NALCN: variants seen among roughly 807,000 people sequenced by gnomAD.
NALCN encodes the protein sodium leak channel NALCN.
In NALCN, 111 loss-of-function variants were observed where a neutral mutation model predicts 225.3. The ratio of observed to expected loss-of-function variants is 0.49; its 90% CI spans 0.42 to 0.58. The LOEUF is 0.58. Among genes scored for constraint, NALCN ranks in the 20% least tolerant of loss-of-function variants. The pLI, the probability that NALCN is intolerant of heterozygous loss-of-function variation, is 0.00. For synonymous variants in NALCN, 764 were observed against 769.0 expected (o/e 0.99, Z 0.11); for missense variants, 1,378 against 2,202.4 (o/e 0.63, Z 7.49).
At chr13:101,123,755 A>T (rs904921744) in intron 18 of NALCN, among the ~76,000 whole-genome samples, 3 of 152,212 alleles carry the variant, frequency 2.0e-5, no homozygotes, top group African/African-American at 7.2e-5. Flanking sequence ...TTTAAAGATC[A>T]TATATACTAA....
chr13:101,387,252 A>AAAAT lies in NALCN; in HGVS notation c.291+7930_291+7931insATTT, dbSNP rs58578868. 6.3e-3 allele frequency among the ~76,000 whole-genome samples: 730 copies of AAAAT among 116,794 alleles called. 99 individuals are homozygous for AAAAT. Among genetic ancestry groups the AAAAT allele is most frequent in the African/African-American group, 0.024 (669 of 28,198 alleles). The allele number at this position is 116,794 out of a possible 152,430, so 76.6% of individuals were successfully genotyped here. On this transcript the variant is annotated intron_variant, in intron 3 of 43. Coordinates refer to ENST00000251127, the MANE Select transcript of NALCN (RefSeq NM_052867.4). ...CAAAAAAAAAAAAAAAAAAAAAAAA[A>AAAAT]AACAGGTTAGCATTTCGCAAATCAC...
At position 101,237,739 on chromosome 13, in the gene NALCN, G is replaced by T. The variant is rs767835476; in HGVS notation, c.1434+16C>A. The T allele has an allele frequency of 2.6e-6, 4 of 1,534,196 alleles. No homozygotes were observed. Among genetic ancestry groups the T allele is most frequent in the African/African-American group, 1.4e-5 (1 of 70,970 alleles). ...TAAATAAATTTCTAAAGACAAATAG[G>T]CATTATTTTTATTACCTGAAAGTAC... On this transcript the variant is annotated intron_variant, in intron 12 of 43. Coordinates refer to ENST00000251127, the MANE Select transcript of NALCN (RefSeq NM_052867.4).
intron 18 of NALCN, among the ~76,000 whole-genome samples, chr13:101,112,872 C>A (rs980150308): frequency 1.3e-5 from 2 of 152,028 alleles, no homozygotes; most frequent in African/African-American, 4.8e-5. Context: ...ATAATAGAAG[C>A]ATTTTTAAGT....
intron 6 of NALCN, among the ~76,000 whole-genome samples, chr13:101,362,000 ATTTAC>A (rs982342749): frequency 1.6e-4 from 25 of 151,974 alleles, no homozygotes; most frequent in African/African-American, 4.8e-4. Flanking sequence ...ATATTCTTAT[ATTTAC>A]TTTATTAATA....
intron 6 of NALCN, among the ~76,000 whole-genome samples, chr13:101,366,447 G>C (rs530960008): frequency 2.0e-5 from 3 of 152,146 alleles, no homozygotes; most frequent in South Asian, 4.1e-4. Flanking sequence ...GTCATGATTA[G>C]GCTATAATAC....
intron 11 of NALCN, among the ~76,000 whole-genome samples, chr13:101,242,026 TA>T: frequency 9.4e-6 from 1 of 106,588 alleles, no homozygotes; most frequent in East Asian, 2.4e-4. Flanking sequence ...GAATTTTCCT[TA>T]ATTTTTTGCA....
intron 17 of NALCN, among the ~76,000 whole-genome samples, chr13:101,140,289 A>T (rs950958573): frequency 6.6e-6 from 1 of 151,694 alleles, no homozygotes; most frequent in African/African-American, 2.4e-5. Flanking sequence ...TTCTCTTTAG[A>T]CTCCTCCTCA....
At chr13:101,291,227 T>C (rs1164765003) in intron 9 of NALCN, among the ~76,000 whole-genome samples, 2 of 152,352 alleles carry the variant, frequency 1.3e-5, no homozygotes, top group East Asian at 1.9e-4. Flanking sequence ...CATAGTTTAT[T>C]GTACTGTGGT....
chr13:101,174,110 A>G (rs138491652), intron 15 of NALCN, among the ~76,000 whole-genome samples: 1 of 152,350 alleles, frequency 6.6e-6, no homozygotes, highest in Non-Finnish European at 1.5e-5. Flanking sequence ...ACTTAGTTTA[A>G]TAATATTTGC....
chr13:101,256,698 T>C (rs998068336), intron 11 of NALCN, among the ~76,000 whole-genome samples: 1 of 152,052 alleles, frequency 6.6e-6, no homozygotes, highest in Admixed American at 6.6e-5. Flanking sequence ...TGAGGCTTCC[T>C]TCATTGTTCT....
At chr13:101,283,111 T>C (rs888164508) in intron 10 of NALCN, among the ~76,000 whole-genome samples, 2 of 152,156 alleles carry the variant, frequency 1.3e-5, no homozygotes, top group African/African-American at 4.8e-5. Context: ...ATTCTCCAGG[T>C]GGAAGAATCA....
chr13:101,257,043 G>A (rs1348692141), intron 11 of NALCN, among the ~76,000 whole-genome samples: 4 of 152,092 alleles, frequency 2.6e-5, no homozygotes, highest in East Asian at 1.9e-4. Flanking sequence ...GATTACGGGC[G>A]TAAGCCACCA....
intron 9 of NALCN, among the ~76,000 whole-genome samples, chr13:101,290,276 T>C (rs1466022702): frequency 1.3e-5 from 2 of 152,194 alleles, no homozygotes; most frequent in South Asian, 4.1e-4. Context: ...AGTTACTCCA[T>C]AAACATACTA....
chr13:101,310,489 C>T (rs1298030394), intron 7 of NALCN, among the ~76,000 whole-genome samples: 1 of 152,138 alleles, frequency 6.6e-6, no homozygotes, highest in Non-Finnish European at 1.5e-5. Flanking sequence ...CCAACTACTA[C>T]ATTTTCCTTG....
chr13:101,404,682 C>G (rs1405384451), intron 1 of NALCN, among the ~76,000 whole-genome samples: 1 of 152,208 alleles, frequency 6.6e-6, no homozygotes, highest in African/African-American at 2.4e-5. Flanking sequence ...TCCATGCATA[C>G]ATTTATTTTT....
intron 7 of NALCN, among the ~76,000 whole-genome samples, chr13:101,294,267 G>A (rs1594620241): frequency 6.6e-6 from 1 of 152,144 alleles, no homozygotes; most frequent in South Asian, 2.1e-4. Context: ...CATGGCAGAC[G>A]AGGGTGATTA....
intron 11 of NALCN, among the ~76,000 whole-genome samples, chr13:101,255,266 T>G (rs1663392229): frequency 6.6e-6 from 1 of 152,340 alleles, no homozygotes; most frequent in Admixed American, 6.5e-5. Flanking sequence ...TTTGACATTT[T>G]GTTGGAATTT....
At chr13:101,150,010 A>G (rs1244392081) in intron 15 of NALCN, among the ~76,000 whole-genome samples, 2 of 152,236 alleles carry the variant, frequency 1.3e-5, no homozygotes, top group Non-Finnish European at 2.9e-5. Context: ...AACTGTCCAA[A>G]TGCCCACTAG....
chr13:101,285,815 GA>G (rs1203386532), intron 9 of NALCN, among the ~76,000 whole-genome samples: 4 of 152,070 alleles, frequency 2.6e-5, no homozygotes, highest in Non-Finnish European at 1.5e-5. Flanking sequence ...CAAAATTCTG[GA>G]AGCCTCATTT....
Sources: gnomAD v4.1 joint callset for allele counts (sites outside exome capture counted in the v4.1 genomes callset) on GRCh38, gnomAD v4.1.1 for gene constraint, MANE v1.5 for transcripts, NCBI Gene and HGNC (gene_info 2026-07-23, HGNC 2026-07-21) for gene names.